Variants in SV2C observed in about 807,000 individuals in gnomAD.
SV2C encodes the protein solute carrier family 22 member B3.
A neutral mutation model predicts 79.7 loss-of-function variants in SV2C; 49 were observed. The observed-to-expected ratio is 0.61, with a 90% CI of 0.49 to 0.78. The LOEUF (loss-of-function observed/expected upper bound fraction) is 0.78, where lower values mean the gene tolerates loss of function less well. Among genes scored for constraint, SV2C ranks in the 30% least tolerant of loss-of-function variants. The pLI, the probability that SV2C is intolerant of heterozygous loss-of-function variation, is 0.00. For missense variants in SV2C, 833 were observed against 912.9 expected (o/e 0.91, Z 1.13); for synonymous variants, 334 against 333.2 (o/e 1.00, Z -0.03).
At chr5:76,261,717 T>C (rs1255871660) in intron 4 of SV2C, among the ~76,000 whole-genome samples, 1 of 152,228 alleles carries the variant, frequency 6.6e-6, no homozygotes, top group East Asian at 1.9e-4. Flanking sequence ...GTTTTTGTCA[T>C]TGGTTCGGTT....
intron 4 of SV2C, among the ~76,000 whole-genome samples, chr5:76,210,630 A>G (rs1009888905): frequency 6.6e-6 from 1 of 152,198 alleles, no homozygotes; most frequent in Non-Finnish European, 1.5e-5. Context: ...AGAGGTTTCT[A>G]TAGGCATGAT....
the SV2C span, among the ~76,000 whole-genome samples, chr5:75,943,309 T>C: frequency 1.3e-5 from 2 of 152,186 alleles, no homozygotes; most frequent in African/African-American, 4.8e-5. Flanking sequence ...TGATGGTTAT[T>C]AGTCTTATGT....
At chr5:75,989,900 T>A in the SV2C span, among the ~76,000 whole-genome samples, 2 of 152,028 alleles carry the variant, frequency 1.3e-5, no homozygotes. Context: ...TTGAGCTTTT[T>A]TTTTTTCATA....
At chr5:76,194,090 C>T (rs1466844170) in intron 2 of SV2C, among the ~76,000 whole-genome samples, 2 of 152,092 alleles carry the variant, frequency 1.3e-5, no homozygotes, top group East Asian at 3.8e-4. Context: ...TTTACTGTTG[C>T]CATCAAGGTG....
chr5:76,095,597 G>A (rs146450598), intron 1 of SV2C, among the ~76,000 whole-genome samples: 1 of 151,968 alleles, frequency 6.6e-6, no homozygotes, highest in African/African-American at 2.4e-5. Flanking sequence ...AAAGTCATGT[G>A]GCATTATCCA....
the SV2C span, among the ~76,000 whole-genome samples, chr5:75,853,814 GT>G: frequency 2.5e-4 from 38 of 151,588 alleles, no homozygotes; most frequent in African/African-American, 9.2e-4. Context: ...TAAAGACTGA[GT>G]CTTTGAGACC....
chr5:76,350,187 A>G (rs1432680037), intron 12 of SV2C, among the ~76,000 whole-genome samples: 2 of 152,206 alleles, frequency 1.3e-5, no homozygotes, highest in African/African-American at 2.4e-5. Flanking sequence ...CCTGCCCTCC[A>G]TACATGTGAT....
intron 1 of SV2C, among the ~76,000 whole-genome samples, chr5:76,104,099 A>T (rs1007949741): frequency 3.3e-5 from 5 of 152,234 alleles, no homozygotes; most frequent in Admixed American, 2.6e-4. Context: ...ATTTGCTAAC[A>T]TCAGAATAAA....
chr5:75,920,845 C>T, the SV2C span: 4 of 762,254 alleles, frequency 5.2e-6, no homozygotes, highest in East Asian at 9.8e-5. Flanking sequence ...GTCAGCTTGT[C>T]CACAGGGTGA....
chr5:76,098,442 G>A (rs1384547304), intron 1 of SV2C, among the ~76,000 whole-genome samples: 1 of 152,238 alleles, frequency 6.6e-6, no homozygotes, highest in Non-Finnish European at 1.5e-5. Flanking sequence ...ATGCTGCTCA[G>A]TGGGCCTTTT....
chr5:76,224,525 G>A (rs532149147), intron 4 of SV2C, among the ~76,000 whole-genome samples: 1 of 152,150 alleles, frequency 6.6e-6, no homozygotes, highest in African/African-American at 2.4e-5. Flanking sequence ...TCACCTGTAG[G>A]GACATAAAAA....
Position 76,295,934 on chromosome 5 carries a change from C to T in SV2C, c.1494C>T (p.Asp498=). 1.9e-6 allele frequency: 3 copies of T among 1,591,348 alleles called. No homozygotes were observed. Among genetic ancestry groups the T allele is most frequent in the Non-Finnish European group, 2.6e-6 (3 of 1,169,500 alleles). Residue 498 remains aspartate (D), a synonymous_variant, in exon 9 of 13, where the codon GAC becomes GAT. Transcript: ENST00000502798. The part of the protein sequence containing the change: ...ENQIHTGMEY[D]NGRFIGVKFK... ...AGATTCATACTGGAATGGAATACGA[C>T]AATGGCAGGTCTAGAAACTTGAAAT...
intron 3 of SV2C, among the ~76,000 whole-genome samples, chr5:76,202,283 T>C (rs1204577263): frequency 2.0e-5 from 3 of 152,198 alleles, no homozygotes; most frequent in Admixed American, 2.0e-4. Context: ...CACTTTATAT[T>C]AGTAAATATT....
At chr5:76,076,817 G>T in the SV2C span, among the ~76,000 whole-genome samples, 1 of 152,172 alleles carries the variant, frequency 6.6e-6, no homozygotes, top group Non-Finnish European at 1.5e-5. Flanking sequence ...GGTAGAGGTA[G>T]GGAGCATTGA....
the SV2C span, among the ~76,000 whole-genome samples, chr5:75,859,601 C>A: frequency 6.6e-6 from 1 of 152,098 alleles, no homozygotes; most frequent in African/African-American, 2.4e-5. Context: ...CATGGGCGGC[C>A]TCTGAGGAGA....
chr5:76,333,423 A>G lies in SV2C; in HGVS notation c.*7876A>G, dbSNP rs1327765523. The stretch of plus-strand genomic sequence containing the variant: ...AGTTTTCTCTTTCAGGTGAACTTCC[A>G]TTTTGAACATATGCTAAACGTACTA... On this transcript the variant is annotated 3_prime_UTR_variant, in exon 13 of 13. Coordinates refer to ENST00000502798, the MANE Select transcript of SV2C (RefSeq NM_014979.4). 6.6e-6 allele frequency: 1 copy of G among 152,224 alleles called. No individual in the cohort carries two copies. The highest frequency in any genetic ancestry group is 1.5e-5 in the Non-Finnish European group (1 of 68,040). The allele number at this position is 152,224 out of a possible 1,614,324, so 9.4% of individuals were successfully genotyped here.
In SV2C at chr5:76,329,141, G is replaced by C. The variant is rs1749098489; in HGVS notation, c.*3594G>C. ...GGAAATAGGCACGCATAAAAAGAGT[G>C]TAGGAAGTTGTTTGGGAAGCCCGCA... On this transcript the variant is annotated 3_prime_UTR_variant, in exon 13 of 13. Transcript: ENST00000502798. The C allele has an allele frequency of 1.3e-5, 2 of 152,200 alleles. No homozygotes were observed. Among genetic ancestry groups the C allele is most frequent in the Admixed American group, 6.5e-5 (1 of 15,280 alleles). The allele number at this position is 152,200 out of a possible 1,614,324, so 9.4% of individuals were successfully genotyped here. A position where few individuals can be genotyped will look rare whatever the true frequency, so the allele number is the denominator to read the frequency against.
chr5:75,897,716 C>A, the SV2C span, among the ~76,000 whole-genome samples: 2 of 152,248 alleles, frequency 1.3e-5, no homozygotes, highest in African/African-American at 4.8e-5. Context: ...AATGTTCTTC[C>A]ATTTGTTTGT....
the SV2C span, among the ~76,000 whole-genome samples, chr5:76,018,168 A>G: frequency 2.4e-4 from 37 of 152,296 alleles, no homozygotes; most frequent in East Asian, 6.6e-3. Context: ...ATGATTCTGA[A>G]GCCATTTAAT....
Sources: gnomAD v4.1 joint callset for allele counts (sites outside exome capture counted in the v4.1 genomes callset) on GRCh38, gnomAD v4.1.1 for gene constraint, MANE v1.5 for transcripts, NCBI Gene and HGNC (gene_info 2026-07-23, HGNC 2026-07-21) for gene names.